Variants in TNFRSF11A observed in about 807,000 individuals in gnomAD.
TNFRSF11A encodes the protein tumor necrosis factor receptor superfamily member 11A.
Under a neutral mutation model 55.7 loss-of-function variants are expected in TNFRSF11A, and 32 were observed. The observed-to-expected ratio is 0.57, with a 90% CI of 0.43 to 0.77. The LOEUF is 0.77. Among genes scored for constraint, TNFRSF11A ranks in the 30% least tolerant of loss-of-function variants. The pLI is 0.00. For synonymous variants in TNFRSF11A, 311 were observed against 331.0 expected (o/e 0.94, Z 0.65); for missense variants, 753 against 809.8 (o/e 0.93, Z 0.85).
rs757983626 is a variant in TNFRSF11A at position 62,384,916 on chromosome 18, G to A, written c.1733G>A (p.Arg578Gln). 1.2e-5 allele frequency: 18 copies of A among 1,563,340 alleles called. No homozygotes were observed. In the Admixed American group the frequency reaches 3.4e-4, roughly 29 times the overall value. The change falls in exon 10 of 10, where the codon CGA becomes CAA. Residue 578 changes from arginine to glutamine, a missense_variant. Arg to Gln is a conservative substitution (Grantham distance 43, BLOSUM62 1). This residue lies in a region of TNFRSF11A where 567 missense variants were observed against 596.7 expected (regional missense o/e 0.95). Transcript: ENST00000586569. Reference sequence around the variant, plus strand: ...GTGCAGGAGGAGACCCTGGCGCGCCGAGACTCCTTCGCGGGGAACGGCCCG... The same window carrying A: ...GTGCAGGAGGAGACCCTGGCGCGCCAAGACTCCTTCGCGGGGAACGGCCCG... Reference protein sequence around the residue: ...RPVQEETLARRDSFAGNGPRF... With the variant: ...RPVQEETLARQDSFAGNGPRF...
intron 1 of TNFRSF11A, among the ~76,000 whole-genome samples, chr18:62,343,465 C>T (rs910719920): frequency 3.9e-5 from 6 of 152,100 alleles, no homozygotes; most frequent in African/African-American, 7.2e-5. Context: ...CAGATCTGCT[C>T]GTCTCTGTGG....
chr18:62,359,208 A>C (rs1335488850), intron 5 of TNFRSF11A, among the ~76,000 whole-genome samples: 1 of 152,192 alleles, frequency 6.6e-6, no homozygotes, highest in Non-Finnish European at 1.5e-5. Flanking sequence ...CAACATAGCA[A>C]GACCCCATCT....
chr18:62,337,024 GGA>G (rs2046244652), intron 1 of TNFRSF11A, among the ~76,000 whole-genome samples: 1 of 152,234 alleles, frequency 6.6e-6, no homozygotes, highest in African/African-American at 2.4e-5. Flanking sequence ...GGTCAGAGGG[GGA>G]AATGCTGATG....
At chr18:62,361,476 G>C (rs1279875904) in intron 6 of TNFRSF11A, among the ~76,000 whole-genome samples, 1 of 152,160 alleles carries the variant, frequency 6.6e-6, no homozygotes, top group African/African-American at 2.4e-5. Flanking sequence ...AAACCGGACT[G>C]AGCAGGGCTG....
At chr18:62,350,482 C>T (rs955098391) in intron 3 of TNFRSF11A, among the ~76,000 whole-genome samples, 2 of 151,948 alleles carry the variant, frequency 1.3e-5, no homozygotes, top group African/African-American at 2.4e-5. Flanking sequence ...TTAGTAGAGA[C>T]GGGGTTTCAC....
intron 1 of TNFRSF11A, among the ~76,000 whole-genome samples, chr18:62,335,921 G>A (rs1367618251): frequency 1.3e-5 from 2 of 152,180 alleles, no homozygotes; most frequent in African/African-American, 4.8e-5. Context: ...CACTGTTCCA[G>A]TCTCCTTATC....
At chr18:62,333,613 T>G (rs969278270) in intron 1 of TNFRSF11A, among the ~76,000 whole-genome samples, 1 of 152,148 alleles carries the variant, frequency 6.6e-6, no homozygotes, top group African/African-American at 2.4e-5. Context: ...CTTGCCTGAG[T>G]TTGCACAGCT....
intron 3 of TNFRSF11A, 55 bp downstream of exon 3, chr18:62,349,992 T>G: frequency 6.2e-7 from 1 of 1,607,762 alleles, no homozygotes; most frequent in Non-Finnish European, 8.5e-7. Flanking sequence ...CAGACCTCTT[T>G]TTCTATAGAA....
intron 1 of TNFRSF11A, among the ~76,000 whole-genome samples, chr18:62,338,431 G>A (rs79048354): frequency 0.028 from 4,338 of 152,318 alleles, 153 homozygotes; most frequent in African/African-American, 0.077. Context: ...TCCATCAGTG[G>A]ATGAATGGAT....
At chr18:62,338,645 G>T (rs1410410268) in intron 1 of TNFRSF11A, among the ~76,000 whole-genome samples, 1 of 152,162 alleles carries the variant, frequency 6.6e-6, no homozygotes, top group East Asian at 1.9e-4. Context: ...GTAGAAAGGT[G>T]GTTTCCAGGA....
chr18:62,381,767 G>A (rs1911305118), intron 9 of TNFRSF11A, among the ~76,000 whole-genome samples: 1 of 152,180 alleles, frequency 6.6e-6, no homozygotes. Context: ...AACATGGTAT[G>A]TTTTTAATCA....
intron 9 of TNFRSF11A, among the ~76,000 whole-genome samples, chr18:62,381,523 G>C (rs1165704878): frequency 6.6e-6 from 1 of 152,226 alleles, no homozygotes; most frequent in East Asian, 1.9e-4. Context: ...TCATACAGTG[G>C]CTGGAGATAT....
chr18:62,358,402 G>A (rs1429424473), intron 5 of TNFRSF11A, 61 bp downstream of exon 5: 4 of 1,486,170 alleles, frequency 2.7e-6, no homozygotes, highest in Non-Finnish European at 3.8e-6. Context: ...AACCTCCACT[G>A]TCTCGTCTGG....
chr18:62,343,351 G>C (rs1024844262), intron 1 of TNFRSF11A, among the ~76,000 whole-genome samples: 2 of 152,308 alleles, frequency 1.3e-5, no homozygotes, highest in East Asian at 1.9e-4. Flanking sequence ...ATTTTCAGTG[G>C]AGCAAGAAAG....
chr18:62,361,537 G>A (rs1233488332), intron 6 of TNFRSF11A, 143 bp from the exon 7 acceptor site: 4 of 803,836 alleles, frequency 5.0e-6, no homozygotes, highest in Non-Finnish European at 8.8e-6. Flanking sequence ...GCGGACAAAG[G>A]GCAGCCAAGG....
Position 62,369,430 on chromosome 18 carries a change from G to T in TNFRSF11A, c.1513G>T (p.Ala505Ser). ...DGADGRLPSS[A>S]RAGAGSGSSP... ...GGCTGATGGGAGGCTCCCAAGCTCAGCGAGGGCAGGTGCCGGGTCTGGAAG... is the reference window on the plus strand; with the variant it reads ...GGCTGATGGGAGGCTCCCAAGCTCATCGAGGGCAGGTGCCGGGTCTGGAAG... The change falls in exon 9 of 10, where the codon GCG (alanine) becomes TCG (serine). Residue 505 changes from alanine (A) to serine (S), a missense_variant. Physicochemically the swap from Ala to Ser is moderately conservative, Grantham distance 99. Transcript: ENST00000586569. 1 of 1,610,998 alleles carries T rather than the reference G, an allele frequency of 6.2e-7. No homozygotes were observed. The highest frequency in any genetic ancestry group is 8.5e-7 in the Non-Finnish European group (1 of 1,180,034).
intron 9 of TNFRSF11A, among the ~76,000 whole-genome samples, chr18:62,379,842 A>T (rs978216988): frequency 4.5e-4 from 68 of 152,234 alleles, no homozygotes; most frequent in South Asian, 2.1e-4. Context: ...TTAGAAGCAT[A>T]AGTGGAGAGC....
Position 62,325,421 on chromosome 18 carries a change from G to T in TNFRSF11A, c.69G>T (p.Arg23=). ...TGCTGCTCTGCGCGCTGCTCGCCCG[G>T]CTGCAGGTAAGGAGCGCCCGCGCCT... The part of the protein sequence containing the change: ...ALLLLCALLA[R]LQVALQIAPP... The change falls in exon 1 of 10, where the codon CGG becomes CGT. Residue 23 remains arginine, a synonymous_variant. Transcript: ENST00000586569. The surrounding 1 kb of genome is among the most constrained non-coding windows in gnomAD (Gnocchi z 4.7). The T allele has an allele frequency of 7.9e-7, 1 of 1,262,016 alleles. No homozygotes were observed. Among genetic ancestry groups the T allele is most frequent in the Non-Finnish European group, 1.0e-6 (1 of 991,280 alleles). 78.2% of individuals were successfully genotyped at this position (1,262,016 alleles called of 1,614,324 possible).
chr18:62,352,642 G>A lies in TNFRSF11A; in HGVS notation c.284-1749G>A, dbSNP rs566089301. 2.0e-5 allele frequency among the ~76,000 whole-genome samples: 3 copies of A among 152,140 alleles called. No individual in the cohort carries two copies. The South Asian group carries it at 6.2e-4, about 32-fold the overall frequency. On this transcript the variant is annotated intron_variant, in intron 3 of 9. Transcript: ENST00000586569. ...TTCATCACCACCCAGGCTTACATTC[G>A]GATGGGATCCTAGGAGTAGTTGGAA...
Sources: gnomAD v4.1 joint callset for allele counts (sites outside exome capture counted in the v4.1 genomes callset) on GRCh38, gnomAD v4.1.1 for gene constraint, gnomAD v4.1.1 regional missense constraint, Gnocchi (gnomAD v3.1) non-coding constraint, MANE v1.5 for transcripts, NCBI Gene and HGNC (gene_info 2026-07-23, HGNC 2026-07-21) for gene names.